The following MUC17 variants were observed in gnomAD, a reference collection of about 807,000 sequenced individuals.
The protein encoded by MUC17 is mucin 17, cell surface associated, also known as mucin-17.
Under a neutral mutation model 170.3 loss-of-function variants are expected in MUC17, and 190 were observed. That is an observed-to-expected ratio of 1.12 (90% confidence interval 0.99 to 1.26). The LOEUF (loss-of-function observed/expected upper bound fraction) is 1.26, where lower values mean the gene tolerates loss of function less well. Among genes scored for constraint, MUC17 ranks in the 50% most tolerant of loss-of-function variants. The pLI, the probability that MUC17 is intolerant of heterozygous loss-of-function variation, is 0.00. For synonymous variants in MUC17, 2,325 were observed against 2,002.5 expected, an observed-to-expected ratio of 1.16 and a Z score of -4.30; for missense variants, 6,415 against 5,530.0, an observed-to-expected ratio of 1.16 and a Z score of -5.08.
chr7:101,031,155 G>C lies in MUC17; in HGVS notation c.118G>C (p.Gly40Arg), dbSNP rs763883392. 1 of 1,613,862 alleles carries C rather than the reference G, an allele frequency of 6.2e-7. No homozygotes were observed. The highest frequency in any genetic ancestry group is 8.5e-7 in the Non-Finnish European group (1 of 1,179,892). Residue 40 changes from glycine to arginine, a missense_variant, in exon 2 of 13, where the codon GGG becomes CGG. Coordinates refer to ENST00000306151, the MANE Select transcript of MUC17 (RefSeq NM_001040105.2). The stretch of plus-strand genomic sequence containing the variant: ...GAACAGGGCTGTGTGGGATGGAGGA[G>C]GGTGCATCTCCCAAGGGGACGTCTT... ...SVNRAVWDGG[G>R]CISQGDVLNR...
rs1402467194 is a variant in MUC17, at chr7:101,042,574, G to T, written c.11158G>T (p.Val3720Phe). The T allele has an allele frequency of 1.2e-6, 2 of 1,613,966 alleles. No homozygotes were observed. Among genetic ancestry groups the T allele is most frequent in the African/African-American group, 2.7e-5 (2 of 74,914 alleles). Residue 3720 changes from valine (V) to phenylalanine (F), a missense_variant, in exon 3 of 13, where the codon GTC (valine) becomes TTC (phenylalanine). Coordinates refer to ENST00000306151, the MANE Select transcript of MUC17 (RefSeq NM_001040105.2). ...TAGCACCCTTTCAACACCTTCTGTT[G>T]TCACCAGCACACCTGTGACCACTTC... ...EGSTLSTPSVVTSTPVTTSTE... is the reference protein window; with the variant it reads ...EGSTLSTPSVFTSTPVTTSTE...
At chr7:101,047,836 A>T in intron 3 of MUC17, 148 bp from the exon 4 acceptor site, 6 of 1,060,914 alleles carry the variant, frequency 5.7e-6, no homozygotes, top group Non-Finnish European at 7.6e-6. Flanking sequence ...GGACTCAAAA[A>T]ACAAACAAAT....
intron 3 of MUC17, among the ~76,000 whole-genome samples, 196 bp from the exon 4 acceptor site, chr7:101,047,788 G>T (rs567152071): frequency 6.6e-6 from 1 of 152,128 alleles, no homozygotes; most frequent in African/African-American, 2.4e-5. Flanking sequence ...CCAAGATCGC[G>T]CCATTGCACT....
Position 101,036,599 on chromosome 7 carries a change from G to T in MUC17, c.5183G>T (p.Arg1728Leu). 6.2e-7 allele frequency: 1 copy of T among 1,611,518 alleles called. No individual in the cohort carries two copies. Among genetic ancestry groups the T allele is most frequent in the Non-Finnish European group, 8.5e-7 (1 of 1,179,198 alleles). ...CCTGTGACCACTTCTACTGAAGCCC[G>T]TTCATCTCCTACAACTTCTGAAGGT... ...STPVTTSTEA[R>L]SSPTTSEGTS... Residue 1728 changes from arginine (R) to leucine (L), a missense_variant, in exon 3 of 13, where the codon CGT (arginine) becomes CTT (leucine). Arg to Leu is a moderately radical substitution (Grantham distance 102). Coordinates refer to ENST00000306151, the MANE Select transcript of MUC17 (RefSeq NM_001040105.2).
intron 11 of MUC17, 74 bp from the exon 12 acceptor site, chr7:101,056,119 AT>A: frequency 6.2e-7 from 1 of 1,600,750 alleles, no homozygotes; most frequent in Admixed American, 1.7e-5. Flanking sequence ...CCTCCATCAG[AT>A]GGGATTAAAG....
In MUC17 at chr7:101,051,656, T is replaced by C; in HGVS notation, c.12918T>C (p.Ile4306=). ...FNTTGTQVQN[I]TVTQYDPEED... is the part of the protein sequence containing the mutation. ...CCACTGGCACCCAAGTGCAAAACATTACGGTGACCCAGTACGACCCTGAAG... is the reference window on the plus strand; with the variant it reads ...CCACTGGCACCCAAGTGCAAAACATCACGGTGACCCAGTACGACCCTGAAG... Residue 4306 remains isoleucine (I), a synonymous_variant, in exon 8 of 13, where the codon ATT becomes ATC. Transcript: ENST00000306151. 2 of 1,611,628 alleles carry C rather than the reference T, an allele frequency of 1.2e-6. No individual in the cohort carries two copies. The highest frequency in any genetic ancestry group is 1.7e-6 in the Non-Finnish European group (2 of 1,179,444).
Position 101,031,789 on chromosome 7 carries a change from A to G in MUC17, c.373A>G (p.Ser125Gly). 6.2e-7 allele frequency: 1 copy of G among 1,608,190 alleles called. No homozygotes were observed. Residue 125 changes from serine (S) to glycine (G), a missense_variant, in exon 3 of 13, where the codon AGC (serine) becomes GGC (glycine). Transcript: ENST00000306151. ...SRTTSESTSD[S>G]TTLFPSSTED... Reference sequence around the variant, plus strand: ...AACAACTTCAGAATCTACCAGTGACAGCACCACACTTTTCCCCAGTTCTAC... The same window carrying G: ...AACAACTTCAGAATCTACCAGTGACGGCACCACACTTTTCCCCAGTTCTAC...
rs752863324 is a variant in MUC17 at position 101,032,733 on chromosome 7, T to C, written c.1317T>C (p.Asp439=). Residue 439 remains aspartate (D), a synonymous_variant, in exon 3 of 13, where the codon GAT becomes GAC. Coordinates refer to ENST00000306151, the MANE Select transcript of MUC17 (RefSeq NM_001040105.2). ...GCTCATCTCCCACAACTGCTGAAGATACCAGCATTGCAACCTCAACTCCTA... is the reference window on the plus strand; with the variant it reads ...GCTCATCTCCCACAACTGCTGAAGACACCAGCATTGCAACCTCAACTCCTA... ...EASSSPTTAE[D]TSIATSTPSE... 3.7e-6 allele frequency: 6 copies of C among 1,613,458 alleles called. No individual in the cohort carries two copies. The highest frequency in any genetic ancestry group is 2.2e-5 in the South Asian group (2 of 91,060).
Position 101,038,559 on chromosome 7 carries a change from T to G in MUC17, c.7143T>G (p.Thr2381=). 8.1e-6 allele frequency: 13 copies of G among 1,614,094 alleles called. No individual in the cohort carries two copies. Among genetic ancestry groups the G allele is most frequent in the Non-Finnish European group, 1.1e-5 (13 of 1,179,996 alleles). ...CTCAAGCCGGTTCATCTCCTACAAC[T>G]GCTGACGATACTAGCATGCCAACCT... ...TYSQAGSSPT[T]ADDTSMPTST... The change falls in exon 3 of 13, where the codon ACT becomes ACG. Residue 2381 remains threonine, a synonymous_variant. Transcript: ENST00000306151.
intron 3 of MUC17, among the ~76,000 whole-genome samples, chr7:101,046,175 C>T (rs1306112490): frequency 6.6e-6 from 1 of 152,136 alleles, no homozygotes; most frequent in African/African-American, 2.4e-5. Context: ...GAGCAAAAGC[C>T]CATAAATAGA....
rs1794400083 is a variant in MUC17 at position 101,034,568 on chromosome 7, C to T, written c.3152C>T (p.Thr1051Ile). The T allele has an allele frequency of 3.7e-6, 6 of 1,612,918 alleles. No individual in the cohort carries two copies. The highest frequency in any genetic ancestry group is 1.3e-5 in the African/African-American group (1 of 74,986). ...STPLTRMPVS[T>I]TMVASSETST... Reference sequence around the variant, plus strand: ...CCATTAACACGTATGCCTGTCAGCACCACAATGGTGGCCAGTTCTGAAACG... The same window carrying T: ...CCATTAACACGTATGCCTGTCAGCATCACAATGGTGGCCAGTTCTGAAACG... Residue 1051 changes from threonine (T) to isoleucine (I), a missense_variant, in exon 3 of 13, where the codon ACC (threonine) becomes ATC (isoleucine). By Grantham distance (89) the Thr-to-Ile change is moderately conservative. Coordinates refer to ENST00000306151, the MANE Select transcript of MUC17 (RefSeq NM_001040105.2).
intron 1 of MUC17, among the ~76,000 whole-genome samples, chr7:101,023,845 T>G (rs931132000): frequency 1.3e-5 from 2 of 152,242 alleles, no homozygotes; most frequent in Admixed American, 1.3e-4. Flanking sequence ...CTGTCAGCAA[T>G]GTATAAGCAT....
At chr7:101,028,215 C>T (rs1035765355) in intron 1 of MUC17, among the ~76,000 whole-genome samples, 4 of 151,560 alleles carry the variant, frequency 2.6e-5, no homozygotes, top group East Asian at 1.9e-4. Context: ...CTCAGCCTCC[C>T]GAGTAGCTGG....
intron 7 of MUC17, 147 bp from the exon 8 acceptor site, chr7:101,051,466 C>G: frequency 1.5e-6 from 1 of 667,858 alleles, no homozygotes; most frequent in Non-Finnish European, 2.6e-6. Flanking sequence ...TCACTGGACG[C>G]GAGGCTGATG....
chr7:101,024,620 G>A (rs975077752), intron 1 of MUC17, among the ~76,000 whole-genome samples: 1 of 151,802 alleles, frequency 6.6e-6, no homozygotes, highest in African/African-American at 2.4e-5. Flanking sequence ...TCAGATGAAC[G>A]CTTTGGCTTC....
At chr7:101,022,191 G>T (rs1271907465) in intron 1 of MUC17, among the ~76,000 whole-genome samples, 1 of 145,944 alleles carries the variant, frequency 6.9e-6, no homozygotes, top group Non-Finnish European at 1.5e-5. Flanking sequence ...TTTTGAGGAG[G>T]AGTCTCAGTC....
rs777758568 is a variant in MUC17 at position 101,037,197 on chromosome 7, A to T, written c.5781A>T (p.Pro1927=). 1.9e-6 allele frequency: 3 copies of T among 1,613,542 alleles called. No individual in the cohort carries two copies. Among genetic ancestry groups the T allele is most frequent in the Non-Finnish European group, 2.5e-6 (3 of 1,179,732 alleles). Residue 1927 remains proline, a synonymous_variant, in exon 3 of 13, where the codon CCA becomes CCT. Coordinates refer to ENST00000306151, the MANE Select transcript of MUC17 (RefSeq NM_001040105.2). ...CAACTCCTAGGGAAGGAAGGCCTCC[A>T]TTAACAAGTATACCTGTCAGCACCA... ...PTSTPREGRP[P]LTSIPVSTTT...
chr7:101,038,137 T>C lies in MUC17; in HGVS notation c.6721T>C (p.Ser2241Pro), dbSNP rs1794551161. 1 of 1,608,508 alleles carries C rather than the reference T, an allele frequency of 6.2e-7. No individual in the cohort carries two copies. The highest frequency in any genetic ancestry group is 1.7e-5 in the Admixed American group (1 of 59,072). ...PVVTSEASTLSATPVDTSTPV... is the reference protein window; with the variant it reads ...PVVTSEASTLPATPVDTSTPV... ...AGTTACTTCTGAGGCTAGCACCCTT[T>C]CAGCAACTCCTGTTGACACCAGCAC... The change falls in exon 3 of 13, where the codon TCA (serine) becomes CCA (proline). Residue 2241 changes from serine to proline, a missense_variant. Ser to Pro is a moderately conservative substitution (Grantham distance 74, BLOSUM62 -1). Coordinates refer to ENST00000306151, the MANE Select transcript of MUC17 (RefSeq NM_001040105.2).
At position 101,033,533 on chromosome 7, in the gene MUC17, G is replaced by T; in HGVS notation, c.2117G>T (p.Ser706Ile). ...ACACTGGTGGCCAGTTCTGAGGCTA[G>T]CACCCTTTCAACAACTCCTGTTGAC... is the stretch of plus-strand genomic sequence containing the variant. ...NTTLVASSEA[S>I]TLSTTPVDTS... Residue 706 changes from serine to isoleucine, a missense_variant, in exon 3 of 13, where the codon AGC becomes ATC. Transcript: ENST00000306151. 1.2e-6 allele frequency: 2 copies of T among 1,614,100 alleles called. No homozygotes were observed. The highest frequency in any genetic ancestry group is 1.7e-6 in the Non-Finnish European group (2 of 1,180,022).
Sources: allele counts gnomAD v4.1 joint callset (sites outside exome capture counted in the v4.1 genomes callset), GRCh38; gene constraint gnomAD v4.1.1; transcripts MANE v1.5; gene names NCBI Gene and HGNC (gene_info 2026-07-23, HGNC 2026-07-21).